The following REV1 variants were observed in gnomAD, a reference collection of about 807,000 sequenced individuals.
REV1 encodes the protein REV1 DNA directed polymerase, also known as translesion synthesis protein REV1.
Under a neutral mutation model 137.4 loss-of-function variants are expected in REV1, and 42 were observed. That is an observed-to-expected ratio of 0.31 (90% CI 0.24 to 0.40). The LOEUF (loss-of-function observed/expected upper bound fraction) is 0.40. REV1 is among the 10% of genes least tolerant of loss of function. REV1 has a pLI of 1.00. For missense variants in REV1, 1,282 were observed against 1,490.1 expected (o/e 0.86, Z 2.30); for synonymous variants, 524 against 519.2 (o/e 1.01, Z -0.12).
intron 1 of REV1, among the ~76,000 whole-genome samples, chr2:99,474,621 G>A (rs1446101668): frequency 6.6e-6 from 1 of 152,188 alleles, no homozygotes; most frequent in African/African-American, 2.4e-5. Context: ...ATAAGCAGAA[G>A]TCGGGAGCGA....
In REV1 at chr2:99,435,945, G is replaced by C. The variant is rs748828599; in HGVS notation, c.1214-4C>G. On this transcript the variant is annotated splice_polypyrimidine_tract_variant and splice_region_variant and intron_variant, in intron 6 of 22. Transcript: ENST00000258428. The stretch of plus-strand genomic sequence containing the variant: ...GAATTCAATACTGACATATCTCCTA[G>C]AAGGAAAAAGACAGCATTCAAACCC... The C allele has an allele frequency of 6.7e-7, 1 of 1,500,722 alleles. No individual in the cohort carries two copies. Among genetic ancestry groups the C allele is most frequent in the Non-Finnish European group, 9.3e-7 (1 of 1,080,834 alleles). The allele number at this position is 1,500,722 out of a possible 1,614,324, so 93.0% of individuals were successfully genotyped here. A position where few individuals can be genotyped will look rare whatever the true frequency, so the allele number is the denominator to read the frequency against.
In REV1 at chr2:99,412,926, C is replaced by A. The variant is rs766709386; in HGVS notation, c.1977G>T (p.Lys659Asn). The A allele has an allele frequency of 6.2e-7, 1 of 1,613,836 alleles. No homozygotes were observed. The highest frequency in any genetic ancestry group is 1.6e-4 in the Middle Eastern group (1 of 6,062). ...LPGVGHSMESKLASLGIKTCG... is the reference protein window; with the variant it reads ...LPGVGHSMESNLASLGIKTCG... ...AAGTTTTAATTCCCAAAGATGCCAA[C>A]TTAGATTCCATTGAATGTCCAACTC... is the stretch of plus-strand genomic sequence containing the variant. Residue 659 changes from lysine to asparagine, a missense_variant, in exon 13 of 23, where the codon AAG becomes AAT. By Grantham distance (94) the Lys-to-Asn change is moderately conservative. Coordinates refer to ENST00000258428, the MANE Select transcript of REV1 (RefSeq NM_016316.4).
intron 2 of REV1, among the ~76,000 whole-genome samples, chr2:99,463,749 A>C (rs1317036197): frequency 1.3e-5 from 2 of 151,990 alleles, no homozygotes; most frequent in Admixed American, 1.3e-4. Context: ...CTCAGTTCCC[A>C]AGTAGCTGGG....
chr2:99,425,991 G>A (rs970679597), intron 9 of REV1, among the ~76,000 whole-genome samples: 3 of 151,760 alleles, frequency 2.0e-5, no homozygotes, highest in African/African-American at 4.8e-5. Flanking sequence ...AGCCGAGATC[G>A]CGCCATTACA....
rs749745068 is a variant in REV1, at chr2:99,404,658, T to G, written c.2831A>C (p.Glu944Ala). The G allele has an allele frequency of 5.6e-6, 9 of 1,611,312 alleles. No homozygotes were observed. The highest frequency in any genetic ancestry group is 3.4e-5 in the Admixed American group (2 of 59,116). Residue 944 changes from glutamate to alanine, a missense_variant, in exon 18 of 23, where the codon GAA becomes GCA. Transcript: ENST00000258428. Reference protein sequence around the residue: ...SPSQLDQSVLEALPPDLREQV... With the variant: ...SPSQLDQSVLAALPPDLREQV... The stretch of plus-strand genomic sequence containing the variant: ...TTCCCGGAGATCAGGTGGAAGTGCT[T>G]CTAAAACAGACTGATCCAGCTATAA...
chr2:99,476,053 C>T lies in REV1; in HGVS notation c.-10-11068G>A, dbSNP rs78039320. Reference sequence around the variant, plus strand: ...CATCTAGTTTTAAAAACGCTTTCAACAAACACATACATATTATGCAACTTT... The same window carrying T: ...CATCTAGTTTTAAAAACGCTTTCAATAAACACATACATATTATGCAACTTT... On this transcript the variant is annotated intron_variant, in intron 1 of 22. Coordinates refer to ENST00000258428, the MANE Select transcript of REV1 (RefSeq NM_016316.4). 4.6e-3 allele frequency among the ~76,000 whole-genome samples: 702 copies of T among 152,296 alleles called. 6 individuals carry two copies. Among genetic ancestry groups the T allele is most frequent in the African/African-American group, 0.016 (664 of 41,572 alleles).
rs1259002350 is a variant in REV1, at chr2:99,429,935, A to G, written c.1452T>C (p.Asp484=). 4 of 1,575,918 alleles carry G rather than the reference A, an allele frequency of 2.5e-6. No individual in the cohort carries two copies. The highest frequency in any genetic ancestry group is 8.6e-7 in the Non-Finnish European group (1 of 1,162,168). ...ILKGKAADIP[D]SSLWENPDSA... ...AATCTGGATTCTCCCACAATGATGA[A>G]TCTGGTATATCTGCTTTAAAAATAA... is the stretch of plus-strand genomic sequence containing the variant. Residue 484 remains aspartate (D), a synonymous_variant, in exon 9 of 23, where the codon GAT becomes GAC. Coordinates refer to ENST00000258428, the MANE Select transcript of REV1 (RefSeq NM_016316.4).
intron 3 of REV1, among the ~76,000 whole-genome samples, chr2:99,457,225 T>C (rs761988376): frequency 6.6e-5 from 10 of 152,180 alleles, no homozygotes; most frequent in Non-Finnish European, 8.8e-5. Context: ...ATCCAAAATA[T>C]ATCTGTTCAA....
intron 12 of REV1, among the ~76,000 whole-genome samples, chr2:99,414,380 G>A (rs565243866): frequency 1.3e-5 from 2 of 151,994 alleles, no homozygotes; most frequent in African/African-American, 4.8e-5. Flanking sequence ...AAGCGTGCTC[G>A]TTCACAATTG....
At chr2:99,413,143 G>C (rs1370877029) in intron 12 of REV1, among the ~76,000 whole-genome samples, 192 bp from the exon 13 acceptor site, 1 of 152,176 alleles carries the variant, frequency 6.6e-6, no homozygotes, top group African/African-American at 2.4e-5. Context: ...TGTATTTCTA[G>C]ACTCTACTTC....
intron 17 of REV1, 49 bp from the exon 18 acceptor site, chr2:99,404,726 T>C: frequency 7.8e-7 from 1 of 1,288,150 alleles, no homozygotes; most frequent in Non-Finnish European, 1.1e-6. Flanking sequence ...TGCTCAGAGA[T>C]GAGGTGTTTG....
chr2:99,474,896 C>T (rs1346743149), intron 1 of REV1, among the ~76,000 whole-genome samples: 2 of 148,256 alleles, frequency 1.3e-5, no homozygotes, highest in African/African-American at 4.9e-5. Flanking sequence ...AGTGAGACTC[C>T]GTTTCAAAAA....
At chr2:99,467,180 AC>A (rs1684902863) in intron 1 of REV1, among the ~76,000 whole-genome samples, 1 of 152,218 alleles carries the variant, frequency 6.6e-6, no homozygotes, top group Admixed American at 6.5e-5. Context: ...TACCTACTGC[AC>A]AAGGCCAATA....
rs190995241 is a variant in REV1, at chr2:99,402,969, G to C, written c.3304C>G (p.Leu1102Val). The C allele has an allele frequency of 9.3e-6, 15 of 1,614,194 alleles. No homozygotes were observed. The Middle Eastern group carries it at 4.9e-4, about 53-fold the overall frequency. The change falls in exon 20 of 23, where the codon CTG becomes GTG. Residue 1102 changes from leucine to valine, a missense_variant. Leu to Val is a conservative substitution (Grantham distance 32, BLOSUM62 1). Around this residue, in one of 7 missense-constraint regions of REV1, gnomAD observed 170 missense variants for 156.8 expected, o/e 1.08. Transcript: ENST00000258428. ...TGGGGACTGCCACAGGCCCCTGGCA[G>C]AGTTTTTGCAGGACTGTTAAGCAGC... ...NKLLNSPAKT[L>V]PGACGSPQKL...
At chr2:99,471,929 AG>A (rs1685466450) in intron 1 of REV1, among the ~76,000 whole-genome samples, 1 of 151,048 alleles carries the variant, frequency 6.6e-6, no homozygotes. Flanking sequence ...TGATAAGGAT[AG>A]GAAGAAATTG....
Position 99,404,618 on chromosome 2 carries a change from G to C in REV1, c.2871C>G (p.Val957=). The C allele has an allele frequency of 6.2e-7, 1 of 1,613,208 alleles. No homozygotes were observed. Among genetic ancestry groups the C allele is most frequent in the East Asian group, 2.2e-5 (1 of 44,862 alleles). The change falls in exon 18 of 23, where the codon GTC becomes GTG. Residue 957 remains valine (V), a synonymous_variant. Coordinates refer to ENST00000258428, the MANE Select transcript of REV1 (RefSeq NM_016316.4). ...PPDLREQVEQ[V]CAVQQAESHG... is the part of the protein sequence containing the mutation. ...GTGACTCTGCTTGCTGGACAGCACA[G>C]ACTTGCTCTACTTGTTCCCGGAGAT...
chr2:99,416,926 A>AAG (rs1677955794), intron 12 of REV1, among the ~76,000 whole-genome samples: 1 of 151,134 alleles, frequency 6.6e-6, no homozygotes, highest in Admixed American at 6.6e-5. Context: ...AAAAAAAAAA[A>AAG]AAAAAAAGAA....
At chr2:99,452,288 G>A (rs1383822621) in intron 3 of REV1, among the ~76,000 whole-genome samples, 4 of 151,958 alleles carry the variant, frequency 2.6e-5, no homozygotes, top group Admixed American at 2.6e-4. Flanking sequence ...TTAACCAGGT[G>A]TGGTGGTGTG....
chr2:99,409,365 G>C (rs1161854194), intron 14 of REV1, among the ~76,000 whole-genome samples: 1 of 152,172 alleles, frequency 6.6e-6, no homozygotes, highest in Non-Finnish European at 1.5e-5. Flanking sequence ...TGGTTGGCAT[G>C]AGCTAATCTT....
Sources: gnomAD v4.1 joint callset for allele counts (sites outside exome capture counted in the v4.1 genomes callset) on GRCh38, gnomAD v4.1.1 for gene constraint, gnomAD v4.1.1 regional missense constraint, MANE v1.5 for transcripts, NCBI Gene and HGNC (gene_info 2026-07-23, HGNC 2026-07-21) for gene names.